Variants in DPP4 observed in about 807,000 individuals in gnomAD.
DPP4 encodes the protein ADCP-2.
Under a neutral mutation model 122.4 loss-of-function variants are expected in DPP4, and 93 were observed. The ratio of observed to expected loss-of-function variants is 0.76; its 90% CI spans 0.64 to 0.90. The LOEUF (loss-of-function observed/expected upper bound fraction) is 0.90. Ranked by LOEUF, DPP4 falls within the 40% of genes least tolerant of loss-of-function variation. The probability of loss-of-function intolerance (pLI) is 0.00; values close to 1 mark genes in which losing one functional copy is unlikely to be tolerated. For synonymous variants in DPP4, 321 were observed against 302.9 expected (o/e 1.06, Z -0.62); for missense variants, 914 against 907.3 (o/e 1.01, Z -0.09).
chr2:161,995,838 C>G (rs762921793), intron 23 of DPP4, among the ~76,000 whole-genome samples: 1 of 152,216 alleles, frequency 6.6e-6, no homozygotes, highest in Non-Finnish European at 1.5e-5. Flanking sequence ...TAAACATACT[C>G]TGCAATATGT....
intron 5 of DPP4, among the ~76,000 whole-genome samples, chr2:162,041,033 G>C (rs1683965810): frequency 6.6e-6 from 1 of 151,628 alleles, no homozygotes; most frequent in South Asian, 2.1e-4. Flanking sequence ...TATTTTTATA[G>C]ACCAAGCAAT....
chr2:162,048,496 C>G (rs1266336485), intron 2 of DPP4, among the ~76,000 whole-genome samples: 1 of 152,146 alleles, frequency 6.6e-6, no homozygotes, highest in Non-Finnish European at 1.5e-5. Context: ...TAGCCTGAAA[C>G]TCACAGCCCT....
rs1224095152 is a variant in DPP4, at chr2:162,024,839, A to T, written c.988T>A (p.Tyr330Asn). 3 of 1,613,830 alleles carry T rather than the reference A, an allele frequency of 1.9e-6. No homozygotes were observed. In the African/African-American group the frequency reaches 4.0e-5, roughly 22 times the overall value. The change falls in exon 11 of 26, where the codon TAT becomes AAT. Residue 330 changes from tyrosine to asparagine, a missense_variant. Coordinates refer to ENST00000360534, the MANE Select transcript of DPP4 (RefSeq NM_001935.4). ...TTCCATCTTCCACTGGATTCATCAT[A>T]GTCACAAATATCCATGACCGAATAG... ...QNYSVMDICD[Y>N]DESSGRWNCL...
intron 12 of DPP4, 111 bp downstream of exon 12, chr2:162,022,644 C>T: frequency 2.0e-6 from 2 of 987,520 alleles, no homozygotes; most frequent in Non-Finnish European, 3.2e-6. Flanking sequence ...AATAGGTTAA[C>T]TAATATTGCT....
At chr2:162,022,705 T>A in intron 12 of DPP4, 50 bp downstream of exon 12, 2 of 1,572,330 alleles carry the variant, frequency 1.3e-6, no homozygotes, top group Admixed American at 3.3e-5. Flanking sequence ...GCATATCAAA[T>A]AGCTGAGTAG....
chr2:162,035,922 C>T lies in DPP4; in HGVS notation c.614-598G>A, dbSNP rs114457793. Among the ~76,000 whole-genome samples, 681 of 152,304 alleles carry T rather than the reference C, an allele frequency of 4.5e-3. 5 individuals are homozygous for T. Among genetic ancestry groups the T allele is most frequent in the Middle Eastern group, 0.017 (5 of 294 alleles). On this transcript the variant is annotated intron_variant, in intron 8 of 25. Coordinates refer to ENST00000360534, the MANE Select transcript of DPP4 (RefSeq NM_001935.4). The stretch of plus-strand genomic sequence containing the variant: ...GAAACTGAAAACTCCCTTAGATTAA[C>T]ACACTGCTCTGGTGTATATGCTGAT...
chr2:162,030,799 T>C (rs1238598037), intron 10 of DPP4, among the ~76,000 whole-genome samples: 2 of 152,188 alleles, frequency 1.3e-5, no homozygotes, highest in Non-Finnish European at 2.9e-5. Context: ...AAAAACACAT[T>C]CCTGTGGCAT....
At chr2:162,043,803 G>A (rs1225647859) in intron 5 of DPP4, among the ~76,000 whole-genome samples, 1 of 152,158 alleles carries the variant, frequency 6.6e-6, no homozygotes, top group Non-Finnish European at 1.5e-5. Flanking sequence ...TGAGGTGGGA[G>A]AATCGTTTGA....
In DPP4 at chr2:162,046,912, T is replaced by C; in HGVS notation, c.285+3A>G. On this transcript the variant is annotated splice_donor_region_variant and intron_variant, in intron 4 of 25. Coordinates refer to ENST00000360534, the MANE Select transcript of DPP4 (RefSeq NM_001935.4). ...CATGAATTAATTACGTGATTAAACATACAAATGTACTGTTCTCCAAGAAAA... is the reference window on the plus strand; with the variant it reads ...CATGAATTAATTACGTGATTAAACACACAAATGTACTGTTCTCCAAGAAAA... The C allele has an allele frequency of 1.9e-6, 3 of 1,550,106 alleles. No individual in the cohort carries two copies.
At chr2:162,057,346 C>T (rs558571336) in intron 2 of DPP4, among the ~76,000 whole-genome samples, 1 of 152,356 alleles carries the variant, frequency 6.6e-6, no homozygotes, top group African/African-American at 2.4e-5. Context: ...TGGCTTTCAC[C>T]TCCAAATATA....
At chr2:162,013,494 A>G (rs1682785883) in intron 19 of DPP4, among the ~76,000 whole-genome samples, 1 of 152,064 alleles carries the variant, frequency 6.6e-6, no homozygotes, top group African/African-American at 2.4e-5. Flanking sequence ...TGTGTCTGAT[A>G]CTAATATCTG....
At chr2:162,050,582 C>A (rs753786119) in intron 2 of DPP4, among the ~76,000 whole-genome samples, 6 of 152,184 alleles carry the variant, frequency 3.9e-5, no homozygotes, top group African/African-American at 1.4e-4. Context: ...CACTCGGCTG[C>A]GTTAGAATAA....
chr2:162,061,007 T>A (rs1211998472), intron 2 of DPP4, among the ~76,000 whole-genome samples: 2 of 44,330 alleles, frequency 4.5e-5, no homozygotes, highest in African/African-American at 1.5e-4. Context: ...CCTCCCTCCC[T>A]CCTTCCTTCC....
chr2:162,067,139 TGAAA>T (rs1211560114), intron 2 of DPP4, among the ~76,000 whole-genome samples: 1 of 41,594 alleles, frequency 2.4e-5, no homozygotes, highest in Non-Finnish European at 5.5e-5. Context: ...AATCTCATAC[TGAAA>T]GAGTTTTATG....
rs201444137 is a variant in DPP4, at chr2:161,992,277, A to T, written c.*1006T>A. ...AAAATGAAGGCACATTTATTAAATG[A>T]CTGGGAGAAATTCCATAGTATGTAG... On this transcript the variant is annotated 3_prime_UTR_variant, in exon 26 of 26. Transcript: ENST00000360534. The T allele has an allele frequency of 2.0e-5, 3 of 152,250 alleles. No individual in the cohort carries two copies. 9.4% of individuals were successfully genotyped at this position (152,250 alleles called of 1,614,324 possible).
At chr2:162,013,072 C>A (rs1682763473) in intron 19 of DPP4, among the ~76,000 whole-genome samples, 1 of 151,050 alleles carries the variant, frequency 6.6e-6, no homozygotes, top group African/African-American at 2.4e-5. Flanking sequence ...AGATTAAGAG[C>A]TTGCCTTAAT....
chr2:162,065,895 G>A (rs1684931370), intron 2 of DPP4, among the ~76,000 whole-genome samples: 1 of 152,128 alleles, frequency 6.6e-6, no homozygotes, highest in Admixed American at 6.5e-5. Flanking sequence ...CATATCTATT[G>A]TCTTTCTATC....
intron 14 of DPP4, 147 bp from the exon 15 acceptor site, chr2:162,019,423 AC>A (rs201561326): frequency 0.045 from 24,450 of 539,502 alleles, 835 homozygotes; most frequent in Non-Finnish European, 0.059. Context: ...CGTGTCCCTC[AC>A]CCCCGAGAAG....
chr2:162,050,172 T>C (rs1025517752), intron 2 of DPP4, among the ~76,000 whole-genome samples: 2 of 152,208 alleles, frequency 1.3e-5, no homozygotes, highest in Non-Finnish European at 2.9e-5. Flanking sequence ...ATCCAACCAC[T>C]CTTTCATGCA....
Sources: allele counts gnomAD v4.1 joint callset (sites outside exome capture counted in the v4.1 genomes callset), GRCh38; gene constraint gnomAD v4.1.1; transcripts MANE v1.5; gene names NCBI Gene and HGNC (gene_info 2026-07-23, HGNC 2026-07-21).